The following IQGAP2 variants were observed in gnomAD, a reference collection of about 807,000 sequenced individuals.
The protein encoded by IQGAP2 is IQ motif containing GTPase activating protein 2.
In IQGAP2, 173 loss-of-function variants were observed where a neutral mutation model predicts 201.3. The observed-to-expected ratio is 0.86, with a 90% CI of 0.76 to 0.98. The LOEUF is 0.98. Ranked by LOEUF, IQGAP2 falls within the 50% of genes least tolerant of loss-of-function variation. The probability of loss-of-function intolerance (pLI) is 0.00; values close to 1 mark genes in which losing one functional copy is unlikely to be tolerated. For missense variants in IQGAP2, 1,687 were observed against 1,864.8 expected (o/e 0.90, Z 1.76); for synonymous variants, 675 against 673.9 (o/e 1.00, Z -0.03).
At position 76,590,529 on chromosome 5, in the gene IQGAP2, A is replaced by T. The variant is rs1209722513; in HGVS notation, c.762A>T (p.Glu254Asp). 6.2e-7 allele frequency: 1 copy of T among 1,613,644 alleles called. No homozygotes were observed. The highest frequency in any genetic ancestry group is 8.5e-7 in the Non-Finnish European group (1 of 1,179,852). ...TAGTGGATGACAACCTTGCACCAGA[A>T]TATCAGAAAGAACTCTGGGATGCCA... ...LTLVDDNLAP[E>D]YQKELWDAKK... Residue 254 changes from glutamate to aspartate, a missense_variant, in exon 8 of 36, where the codon GAA (glutamate) becomes GAT (aspartate). By Grantham distance (45) the Glu-to-Asp change is conservative (BLOSUM62 2). Transcript: ENST00000274364.
intron 2 of IQGAP2, among the ~76,000 whole-genome samples, chr5:76,561,732 C>T (rs1744380363): frequency 6.6e-6 from 1 of 152,192 alleles, no homozygotes; most frequent in Non-Finnish European, 1.5e-5. Context: ...TTCTACAATA[C>T]TGGCACAACA....
intron 2 of IQGAP2, among the ~76,000 whole-genome samples, chr5:76,495,673 G>T (rs752146994): frequency 3.3e-5 from 5 of 152,198 alleles, no homozygotes; most frequent in Non-Finnish European, 7.3e-5. Flanking sequence ...CACGGTGCTT[G>T]CATCTGCTTC....
At chr5:76,435,743 G>T (rs938655586) in intron 1 of IQGAP2, among the ~76,000 whole-genome samples, 1 of 152,088 alleles carries the variant, frequency 6.6e-6, no homozygotes, top group Non-Finnish European at 1.5e-5. Flanking sequence ...ATTTTGAAAA[G>T]AATTGCATTG....
intron 2 of IQGAP2, among the ~76,000 whole-genome samples, chr5:76,496,789 C>G (rs1365944341): frequency 9.9e-5 from 10 of 101,042 alleles, no homozygotes; most frequent in African/African-American, 4.5e-4. Context: ...TTCTTTCTTT[C>G]TTTCTCTTTC....
chr5:76,520,958 C>A (rs968200006), intron 2 of IQGAP2, among the ~76,000 whole-genome samples: 7 of 152,146 alleles, frequency 4.6e-5, no homozygotes, highest in Admixed American at 4.6e-4. Flanking sequence ...CCACCCGCCT[C>A]AGCCTCCCAA....
chr5:76,505,522 A>AT (rs1757564091), intron 2 of IQGAP2, among the ~76,000 whole-genome samples: 1 of 152,100 alleles, frequency 6.6e-6, no homozygotes, highest in African/African-American at 2.4e-5. Context: ...GGAGACTTGC[A>AT]TTTTACCGAT....
intron 35 of IQGAP2, among the ~76,000 whole-genome samples, chr5:76,704,249 T>A (rs1486318346): frequency 6.6e-6 from 1 of 152,230 alleles, no homozygotes; most frequent in Non-Finnish European, 1.5e-5. Context: ...CTTTGGTTAG[T>A]GATTCCTCTG....
At chr5:76,503,171 T>G (rs2150171087) in intron 2 of IQGAP2, among the ~76,000 whole-genome samples, 1 of 108,890 alleles carries the variant, frequency 9.2e-6, no homozygotes, top group Admixed American at 1.2e-4. Context: ...TTTCTTTTCT[T>G]TTCTTTTTTT....
At chr5:76,482,988 A>C (rs1296564148) in intron 2 of IQGAP2, among the ~76,000 whole-genome samples, 2 of 152,232 alleles carry the variant, frequency 1.3e-5, no homozygotes, top group Non-Finnish European at 2.9e-5. Flanking sequence ...AAAGCAGCCT[A>C]AAAATTAAGC....
Position 76,644,295 on chromosome 5 carries a change from C to CTTTTTTTTTTTTTTTTTTTTTTTTTTT in IQGAP2, c.2094+3214_2094+3215insTTTTTTTTTTTTTTTTTTTTTTTTTTT, listed in dbSNP as rs547155944. On this transcript the variant is annotated intron_variant, in intron 17 of 35. Coordinates refer to ENST00000274364, the MANE Select transcript of IQGAP2 (RefSeq NM_006633.5). ...AATGAGACTGCCATTTTTGTAAATC[C>CTTTTTTTTTTTTTTTTTTTTTTTTTTT]TTTTTTTTTTTTTTTTTTTTTTGAG... Among the ~76,000 whole-genome samples the CTTTTTTTTTTTTTTTTTTTTTTTTTTT allele has an allele frequency of 5.3e-3, 251 of 47,686 alleles. 65 individuals are homozygous for CTTTTTTTTTTTTTTTTTTTTTTTTTTT. The highest frequency in any genetic ancestry group is 8.5e-3 in the Non-Finnish European group (195 of 22,962). 31.3% of individuals were successfully genotyped at this position (47,686 alleles called of 152,430 possible). A position where few individuals can be genotyped will look rare whatever the true frequency, so the allele number is the denominator to read the frequency against.
rs150462354 is a variant in IQGAP2 at position 76,565,283 on chromosome 5, G to T, written c.303+2731G>T. ...GTGCCATCTGGAAACCATGAATTCAGTGAACTCGGGCTCTCGCTGCAGGGT... is the reference window on the plus strand; with the variant it reads ...GTGCCATCTGGAAACCATGAATTCATTGAACTCGGGCTCTCGCTGCAGGGT... On this transcript the variant is annotated intron_variant, in intron 3 of 35. Transcript: ENST00000274364. 2.0e-5 allele frequency among the ~76,000 whole-genome samples: 3 copies of T among 152,240 alleles called. No individual in the cohort carries two copies. The East Asian group carries it at 5.8e-4, about 30-fold the overall frequency.
At chr5:76,694,872 A>G (rs1273403259) in intron 31 of IQGAP2, among the ~76,000 whole-genome samples, 1 of 152,200 alleles carries the variant, frequency 6.6e-6, no homozygotes, top group Non-Finnish European at 1.5e-5. Context: ...TCATTCATTC[A>G]TTTACTCATC....
intron 11 of IQGAP2, among the ~76,000 whole-genome samples, chr5:76,605,667 A>C (rs181992606): frequency 6.6e-6 from 1 of 152,354 alleles, no homozygotes; most frequent in East Asian, 1.9e-4. Flanking sequence ...CTGATTCCTC[A>C]GTGTCATATT....
chr5:76,445,300 G>T (rs1307722770), intron 1 of IQGAP2, among the ~76,000 whole-genome samples: 1 of 152,084 alleles, frequency 6.6e-6, no homozygotes, highest in Non-Finnish European at 1.5e-5. Flanking sequence ...GAGTGACTCT[G>T]GACCAGGATA....
At chr5:76,673,630 A>G in intron 25 of IQGAP2, 41 bp downstream of exon 25, 1 of 1,602,194 alleles carries the variant, frequency 6.2e-7, no homozygotes, top group East Asian at 2.2e-5. Context: ...CTTTCCTGGA[A>G]CGTTCTTGGA....
At chr5:76,419,648 A>ATTCTTT (rs1751614107) in intron 1 of IQGAP2, among the ~76,000 whole-genome samples, 1 of 149,622 alleles carries the variant, frequency 6.7e-6, no homozygotes, top group African/African-American at 2.4e-5. Context: ...TCACTAGGGT[A>ATTCTTT]TTCTTTTTCT....
At chr5:76,690,644 C>A (rs917628372) in intron 30 of IQGAP2, among the ~76,000 whole-genome samples, 16 of 151,376 alleles carry the variant, frequency 1.1e-4, no homozygotes, top group Non-Finnish European at 2.4e-4. Context: ...TTTCTAGAAG[C>A]CTTATTTTAA....
At chr5:76,702,411 AT>A (rs1186262754) in intron 34 of IQGAP2, 70 bp from the exon 35 acceptor site, 10 of 740,202 alleles carry the variant, frequency 1.4e-5, no homozygotes, top group Admixed American at 2.3e-5. Flanking sequence ...TTGAGATTCC[AT>A]TAGTTTGTTT....
chr5:76,477,011 G>T (rs539897220), intron 2 of IQGAP2, among the ~76,000 whole-genome samples: 1 of 152,212 alleles, frequency 6.6e-6, no homozygotes, highest in South Asian at 2.1e-4. Context: ...CTAAGAAAAT[G>T]CTGGTCATGA....
Sources: gnomAD v4.1 joint callset for allele counts (sites outside exome capture counted in the v4.1 genomes callset) on GRCh38, gnomAD v4.1.1 for gene constraint, MANE v1.5 for transcripts, NCBI Gene and HGNC (gene_info 2026-07-23, HGNC 2026-07-21) for gene names.